Variants in FMN1 observed in about 807,000 individuals in gnomAD.
The protein encoded by FMN1 is formin-1.
FMN1 carries 110 observed loss-of-function variants against 132.4 expected under a neutral mutation model. The observed-to-expected ratio is 0.83, with a 90% CI of 0.71 to 0.97. The LOEUF is 0.97. Ranked by LOEUF, FMN1 falls within the 50% of genes least tolerant of loss-of-function variation. FMN1 has a pLI of 0.00. For synonymous variants in FMN1, 722 were observed against 651.7 expected, an observed-to-expected ratio of 1.11 and a Z score of -1.64; for missense variants, 1,792 against 1,705.3, an observed-to-expected ratio of 1.05 and a Z score of -0.90.
Position 32,968,969 on chromosome 15 carries a change from G to T in FMN1, c.2732C>A (p.Pro911Gln). 1 of 947,906 alleles carries T rather than the reference G, an allele frequency of 1.1e-6. No homozygotes were observed. Among genetic ancestry groups the T allele is most frequent in the Non-Finnish European group, 1.6e-6 (1 of 625,448 alleles). The allele number at this position is 947,906 out of a possible 1,614,324, so 58.7% of individuals were successfully genotyped here. ...AGCACTTGAAGGTGGAGGTAGAGGTGGCGGTGGAGGAGGCGGAGGTGGTAG... is the reference window on the plus strand; with the variant it reads ...AGCACTTGAAGGTGGAGGTAGAGGTTGCGGTGGAGGAGGCGGAGGTGGTAG... ...PPLPPPPPPP[P>Q]PLPPPSSAGP... Residue 911 changes from proline (P) to glutamine (Q), a missense_variant, in exon 8 of 21, where the codon CCA (proline) becomes CAA (glutamine). By Grantham distance (76) the Pro-to-Gln change is moderately conservative. Transcript: ENST00000616417.
At chr15:33,169,613 C>T (rs116615198) in intron 3 of FMN1, among the ~76,000 whole-genome samples, 2,145 of 151,810 alleles carry the variant, frequency 0.014, 49 homozygotes, top group African/African-American at 0.049. Flanking sequence ...ACATTGTTTA[C>T]GGCAAATTTC....
chr15:32,934,614 T>C (rs1439049715), intron 9 of FMN1, among the ~76,000 whole-genome samples: 2 of 150,570 alleles, frequency 1.3e-5, no homozygotes, highest in African/African-American at 2.4e-5. Flanking sequence ...TTTTTTTTTT[T>C]TTGGGTGGGG....
rs769990733 is a variant in FMN1, at chr15:32,953,634, A to C, written c.3138+10473T>G. Among the ~76,000 whole-genome samples the C allele has an allele frequency of 3.5e-4, 53 of 152,272 alleles. 1 individual carries two copies. The highest frequency in any genetic ancestry group is 3.4e-3 in the Middle Eastern group (1 of 294). On this transcript the variant is annotated intron_variant, in intron 9 of 20. Transcript: ENST00000616417. Reference sequence around the variant, plus strand: ...TCCAGCCAGACTATCCTAGGAAGTAAGTGGACAGTTTTGTCTGGTGTAACC... The same window carrying C: ...TCCAGCCAGACTATCCTAGGAAGTACGTGGACAGTTTTGTCTGGTGTAACC...
intron 4 of FMN1, among the ~76,000 whole-genome samples, chr15:33,125,503 ATGAACCCT>A (rs1962971602): frequency 6.6e-6 from 1 of 152,144 alleles, no homozygotes; most frequent in Non-Finnish European, 1.5e-5. Context: ...TGGTCTTCAA[ATGAACCCT>A]TCTCAAATTT....
intron 17 of FMN1, among the ~76,000 whole-genome samples, chr15:32,831,237 G>A (rs74544003): frequency 6.9e-6 from 1 of 145,968 alleles, no homozygotes; most frequent in African/African-American, 2.6e-5. Context: ...TTTTTTTTTT[G>A]AGACAGGGTT....
At chr15:33,000,364 G>A (rs1161392274) in intron 7 of FMN1, among the ~76,000 whole-genome samples, 1 of 151,730 alleles carries the variant, frequency 6.6e-6, no homozygotes, top group Non-Finnish European at 1.5e-5. Context: ...CAGGAGAATG[G>A]CGTGAACCTG....
intron 6 of FMN1, among the ~76,000 whole-genome samples, chr15:33,041,027 T>C (rs1436983155): frequency 1.3e-5 from 2 of 152,072 alleles, no homozygotes; most frequent in East Asian, 3.8e-4. Context: ...TTATTTAAAA[T>C]GGCCAGAAAA....
At chr15:33,146,647 C>T (rs753684433) in intron 4 of FMN1, among the ~76,000 whole-genome samples, 1 of 152,040 alleles carries the variant, frequency 6.6e-6, no homozygotes, top group African/African-American at 2.4e-5. Context: ...AGAGGAACTC[C>T]AAGGGGATGG....
At chr15:32,984,517 A>G (rs1275916112) in intron 7 of FMN1, among the ~76,000 whole-genome samples, 1 of 152,124 alleles carries the variant, frequency 6.6e-6, no homozygotes, top group East Asian at 1.9e-4. Flanking sequence ...TCATGGGGAG[A>G]GAAAGAAACT....
intron 16 of FMN1, among the ~76,000 whole-genome samples, chr15:32,869,676 G>A (rs2059469984): frequency 6.6e-6 from 1 of 152,124 alleles, no homozygotes; most frequent in South Asian, 2.1e-4. Flanking sequence ...GACAAACCCT[G>A]GGGCATGTGC....
intron 17 of FMN1, among the ~76,000 whole-genome samples, chr15:32,812,917 G>A (rs1326506982): frequency 6.6e-6 from 1 of 152,166 alleles, no homozygotes; most frequent in Non-Finnish European, 1.5e-5. Flanking sequence ...TACAATTTCA[G>A]AGATCACAAT....
intron 5 of FMN1, among the ~76,000 whole-genome samples, chr15:33,086,356 G>A (rs1265889164): frequency 7.2e-6 from 1 of 138,932 alleles, no homozygotes; most frequent in Admixed American, 7.5e-5. Context: ...CATACTTAGT[G>A]AAAAAATACA....
chr15:32,907,542 G>A (rs1173940146), intron 12 of FMN1, among the ~76,000 whole-genome samples: 1 of 152,104 alleles, frequency 6.6e-6, no homozygotes, highest in East Asian at 1.9e-4. Flanking sequence ...TGTGGCCCAG[G>A]GGTTGGGGAC....
intron 7 of FMN1, among the ~76,000 whole-genome samples, chr15:32,994,763 T>C (rs982604591): frequency 1.9e-5 from 1 of 53,448 alleles, no homozygotes; most frequent in East Asian, 3.0e-3. Flanking sequence ...TCATAAAGCA[T>C]TATTTTAAGG....
At chr15:32,999,345 A>T (rs1412709192) in intron 7 of FMN1, among the ~76,000 whole-genome samples, 1 of 152,220 alleles carries the variant, frequency 6.6e-6, no homozygotes, top group African/African-American at 2.4e-5. Context: ...GCTCAAATAG[A>T]GTCTGCACTC....
chr15:32,783,366 A>G (rs1429500869), intron 19 of FMN1, among the ~76,000 whole-genome samples: 1 of 152,114 alleles, frequency 6.6e-6, no homozygotes, highest in Non-Finnish European at 1.5e-5. Context: ...AGTGCTGCCA[A>G]AGACTACTGA....
At chr15:32,930,768 C>T (rs1384971879) in intron 9 of FMN1, among the ~76,000 whole-genome samples, 1 of 151,888 alleles carries the variant, frequency 6.6e-6, no homozygotes, top group Non-Finnish European at 1.5e-5. Flanking sequence ...GAAACAACTG[C>T]CAAAATCAAT....
intron 6 of FMN1, among the ~76,000 whole-genome samples, chr15:33,033,424 G>C (rs2036039243): frequency 6.6e-6 from 1 of 152,058 alleles, no homozygotes; most frequent in African/African-American, 2.4e-5. Flanking sequence ...CCTGTCCTTG[G>C]ACCTATTACT....
At chr15:33,072,143 A>G (rs899969321) in intron 5 of FMN1, among the ~76,000 whole-genome samples, 1 of 152,182 alleles carries the variant, frequency 6.6e-6, no homozygotes, top group Admixed American at 6.5e-5. Flanking sequence ...TAACTTGGGG[A>G]AAAATCTACA....
Sources: gnomAD v4.1 joint callset for allele counts (sites outside exome capture counted in the v4.1 genomes callset) on GRCh38, gnomAD v4.1.1 for gene constraint, MANE v1.5 for transcripts, NCBI Gene and HGNC (gene_info 2026-07-23, HGNC 2026-07-21) for gene names.